TAPT1: variants seen among roughly 807,000 people sequenced by gnomAD.
The protein encoded by TAPT1 is transmembrane anterior posterior transformation 1.
TAPT1 carries 28 observed loss-of-function variants against 65.6 expected under a neutral mutation model. The observed-to-expected ratio is 0.43, with a 90% confidence interval of 0.32 to 0.59. The LOEUF (loss-of-function observed/expected upper bound fraction) is 0.59. Among genes scored for constraint, TAPT1 ranks in the 20% least tolerant of loss-of-function variants. The pLI is 0.09. For synonymous variants in TAPT1, 278 were observed against 245.2 expected (o/e 1.13, Z -1.25); for missense variants, 563 against 679.9 (o/e 0.83, Z 1.91).
intron 7 of TAPT1, among the ~76,000 whole-genome samples, chr4:16,180,169 T>C (rs966226044): frequency 2.2e-4 from 33 of 152,062 alleles, no homozygotes; most frequent in African/African-American, 7.0e-4. Flanking sequence ...TTTCCGGGGG[T>C]GTATGTAGAA....
chr4:16,196,641 A>T (rs1417435898), intron 3 of TAPT1: 7 of 1,275,402 alleles, frequency 5.5e-6, no homozygotes, highest in Non-Finnish European at 7.2e-6. Context: ...TAGAAGGAAA[A>T]ATCAGGGTTT....
intron 3 of TAPT1, among the ~76,000 whole-genome samples, chr4:16,197,027 T>C (rs1406779549): frequency 1.3e-5 from 2 of 152,078 alleles, no homozygotes; most frequent in Non-Finnish European, 2.9e-5. Flanking sequence ...TTATAACATA[T>C]AGGTGAGGTT....
rs1196183811 is a variant in TAPT1, at chr4:16,166,801, CAG to C, written c.1314-10_1314-9del. 3 of 1,612,832 alleles carry C rather than the reference CAG, an allele frequency of 1.9e-6. No individual in the cohort carries two copies. The highest frequency in any genetic ancestry group is 4.5e-5 in the East Asian group (2 of 44,836). Reference sequence around the variant, plus strand: ...ACTTTCAGGGATATCAACCTAAAAACAGAAACAAAACAAACCACATCCGTTGG... The same window carrying C: ...ACTTTCAGGGATATCAACCTAAAAACAAACAAAACAAACCACATCCGTTGG... On this transcript the variant is annotated splice_polypyrimidine_tract_variant and intron_variant, in intron 12 of 13. Coordinates refer to ENST00000405303, the MANE Select transcript of TAPT1 (RefSeq NM_153365.3).
At chr4:16,169,444 GA>G (rs1321062893) in intron 12 of TAPT1, among the ~76,000 whole-genome samples, 1 of 152,364 alleles carries the variant, frequency 6.6e-6, no homozygotes, top group Non-Finnish European at 1.5e-5. Context: ...TAAAAACATT[GA>G]GGGGCGGTGT....
intron 12 of TAPT1, among the ~76,000 whole-genome samples, chr4:16,167,250 C>T (rs2149665528): frequency 6.6e-6 from 1 of 152,260 alleles, no homozygotes; most frequent in Middle Eastern, 3.4e-3. Context: ...CTCGGCCTCC[C>T]AAAGTGCTGG....
intron 2 of TAPT1, among the ~76,000 whole-genome samples, chr4:16,212,573 T>G (rs887255311): frequency 2.6e-5 from 4 of 152,198 alleles, no homozygotes; most frequent in African/African-American, 9.6e-5. Context: ...AGAGGAGTGC[T>G]GTGGAGAGCC....
At position 16,186,536 on chromosome 4, in the gene TAPT1, G is replaced by A. The variant is rs763092246; in HGVS notation, c.915C>T (p.Ser305=). The change falls in exon 7 of 14, where the codon AGC becomes AGT. Residue 305 remains serine (S), a splice_region_variant and synonymous_variant. Transcript: ENST00000405303. ...EKNNLFQMSN[S]DIKERFTNYV... is the part of the protein sequence containing the mutation. Reference sequence around the variant, plus strand: ...CAAGTAGAATCTAATTGTACATACCGCTATTTGACATTTGAAAGAGATTGT... The same window carrying A: ...CAAGTAGAATCTAATTGTACATACCACTATTTGACATTTGAAAGAGATTGT... 1.8e-5 allele frequency: 27 copies of A among 1,524,224 alleles called. No individual in the cohort carries two copies. The African/African-American group carries it at 3.4e-4, about 19-fold the overall frequency. The allele number at this position is 1,524,224 out of a possible 1,614,324, so 94.4% of individuals were successfully genotyped here. A position where few individuals can be genotyped will look rare whatever the true frequency, so the allele number is the denominator to read the frequency against.
chr4:16,166,475 C>G (rs1036042653), intron 13 of TAPT1, among the ~76,000 whole-genome samples, 158 bp downstream of exon 13: 1 of 152,164 alleles, frequency 6.6e-6, no homozygotes, highest in Non-Finnish European at 1.5e-5. Flanking sequence ...AACACTGGGC[C>G]AGGTATATAT....
chr4:16,193,137 C>T (rs935732593), intron 3 of TAPT1, among the ~76,000 whole-genome samples: 1 of 152,168 alleles, frequency 6.6e-6, no homozygotes, highest in Admixed American at 6.5e-5. Context: ...TATTTACAGA[C>T]AGAATCTAAG....
chr4:16,218,057 A>G (rs1751040695), intron 1 of TAPT1, among the ~76,000 whole-genome samples: 1 of 152,236 alleles, frequency 6.6e-6, no homozygotes, highest in African/African-American at 2.4e-5. Flanking sequence ...AGAGATACAG[A>G]AACACATTAC....
At position 16,220,863 on chromosome 4, in the gene TAPT1, C is replaced by G. The variant is rs1751213416; in HGVS notation, c.199+5396G>C. ...TTTTTTTTTGAGACAGGGTCTCACT[C>G]TGTTGCCCAGGCTGCAGCCCAGTGG... On this transcript the variant is annotated intron_variant, in intron 1 of 13. Transcript: ENST00000405303. Among the ~76,000 whole-genome samples the G allele has an allele frequency of 2.0e-5, 3 of 151,666 alleles. No individual in the cohort carries two copies. The South Asian group carries it at 6.2e-4, about 31-fold the overall frequency.
chr4:16,167,704 G>A (rs1163031960), intron 12 of TAPT1, among the ~76,000 whole-genome samples: 2 of 152,174 alleles, frequency 1.3e-5, no homozygotes, highest in Admixed American at 1.3e-4. Flanking sequence ...GCTTAGAGCA[G>A]TGCTTGGCAC....
At chr4:16,213,652 T>C in intron 2 of TAPT1, 116 bp downstream of exon 2, 1 of 936,082 alleles carries the variant, frequency 1.1e-6, no homozygotes. Context: ...ACTCCCCCAA[T>C]AACATTATTT....
At chr4:16,184,316 A>G (rs1194911968) in intron 7 of TAPT1, among the ~76,000 whole-genome samples, 1 of 152,228 alleles carries the variant, frequency 6.6e-6, no homozygotes, top group Non-Finnish European at 1.5e-5. Flanking sequence ...AATGCTTCTG[A>G]GACCTACATA....
At chr4:16,202,606 A>C in intron 2 of TAPT1, 26 bp from the exon 3 acceptor site, 1 of 1,207,338 alleles carries the variant, frequency 8.3e-7, no homozygotes, top group Non-Finnish European at 1.2e-6. Context: ...GAGAGAAGAA[A>C]AAAAAAAAGT....
intron 1 of TAPT1, among the ~76,000 whole-genome samples, chr4:16,220,250 C>T (rs1560192717): frequency 6.6e-6 from 1 of 152,220 alleles, no homozygotes; most frequent in Non-Finnish European, 1.5e-5. Context: ...TCACCAAGAA[C>T]TCTGACAGCT....
chr4:16,175,785 A>G (rs1269772736), intron 9 of TAPT1, among the ~76,000 whole-genome samples: 1 of 152,192 alleles, frequency 6.6e-6, no homozygotes, highest in Non-Finnish European at 1.5e-5. Flanking sequence ...ACCTAGCCAG[A>G]GAGAAAAATT....
intron 2 of TAPT1, among the ~76,000 whole-genome samples, chr4:16,204,523 C>T (rs1418303866): frequency 2.0e-5 from 3 of 152,234 alleles, no homozygotes; most frequent in Non-Finnish European, 4.4e-5. Context: ...TCTTCAGGTA[C>T]TTCTTTAAAA....
intron 7 of TAPT1, among the ~76,000 whole-genome samples, chr4:16,184,304 A>G (rs552642441): frequency 2.6e-5 from 4 of 152,334 alleles, no homozygotes; most frequent in African/African-American, 9.6e-5. Context: ...TCTGCTCAAC[A>G]TAATGCTTCT....
Sources: gnomAD v4.1 joint callset for allele counts (sites outside exome capture counted in the v4.1 genomes callset) on GRCh38, gnomAD v4.1.1 for gene constraint, MANE v1.5 for transcripts, NCBI Gene and HGNC (gene_info 2026-07-23, HGNC 2026-07-21) for gene names.